SEMA3A: variants seen among roughly 807,000 people sequenced by gnomAD.
SEMA3A encodes semaphorin 3A, also known as semaphorin-3A.
SEMA3A carries 29 observed loss-of-function variants against 97.9 expected under a neutral mutation model. The ratio of observed to expected loss-of-function variants is 0.30; its 90% CI spans 0.22 to 0.40. The LOEUF is 0.40. Among genes scored for constraint, SEMA3A ranks in the 10% least tolerant of loss-of-function variants. The pLI, the probability that SEMA3A is intolerant of heterozygous loss-of-function variation, is 1.00. For missense variants in SEMA3A, 763 were observed against 951.3 expected (o/e 0.80, Z 2.60); for synonymous variants, 321 against 323.7 (o/e 0.99, Z 0.09).
chr7:84,181,319 A>AATATATATAT (rs56661080), intron 1 of SEMA3A, among the ~76,000 whole-genome samples: 4 of 144,746 alleles, frequency 2.8e-5, no homozygotes, highest in Admixed American at 1.4e-4. Flanking sequence ...TAATGTTACA[A>AATATATATAT]ATATATATAT....
chr7:84,408,294 G>T (rs529014978), intron 1 of SEMA3A, among the ~76,000 whole-genome samples: 59 of 152,272 alleles, frequency 3.9e-4, no homozygotes, highest in Middle Eastern at 3.4e-3. Flanking sequence ...ATGAAAAAAT[G>T]CTCACCATCA....
chr7:84,409,129 G>A (rs1804192364), intron 1 of SEMA3A, among the ~76,000 whole-genome samples: 1 of 150,162 alleles, frequency 6.7e-6, no homozygotes, highest in Non-Finnish European at 1.5e-5. Context: ...TTGTTTGACA[G>A]CACAATAGGA....
At chr7:84,454,374 T>A (rs1805636283) in intron 1 of SEMA3A, among the ~76,000 whole-genome samples, 1 of 152,176 alleles carries the variant, frequency 6.6e-6, no homozygotes, top group Non-Finnish European at 1.5e-5. Flanking sequence ...GTTACTAACA[T>A]TAAGGTAACA....
chr7:84,065,692 C>T (rs1195754832), intron 4 of SEMA3A, among the ~76,000 whole-genome samples: 6 of 152,250 alleles, frequency 3.9e-5, no homozygotes, highest in East Asian at 3.9e-4. Flanking sequence ...AATTCCTCGA[C>T]GTATACACTC....
chr7:84,407,895 G>A (rs1166170795), intron 1 of SEMA3A, among the ~76,000 whole-genome samples: 19 of 151,976 alleles, frequency 1.3e-4, no homozygotes, highest in Non-Finnish European at 5.9e-5. Flanking sequence ...AAATTAATTC[G>A]AGATGGATTA....
intron 15 of SEMA3A, among the ~76,000 whole-genome samples, chr7:83,974,615 T>C (rs1223715932): frequency 6.6e-6 from 1 of 152,166 alleles, no homozygotes; most frequent in African/African-American, 2.4e-5. Flanking sequence ...CTCCGGATTT[T>C]TGCCCATTTT....
At chr7:84,265,583 A>G (rs1799975401) in intron 3 of SEMA3A, among the ~76,000 whole-genome samples, 1 of 149,306 alleles carries the variant, frequency 6.7e-6, no homozygotes, top group Non-Finnish European at 1.5e-5. Flanking sequence ...AGACATATAT[A>G]TATTTGAGAG....
At chr7:84,008,414 C>T (rs1309915222) in intron 9 of SEMA3A, among the ~76,000 whole-genome samples, 3 of 147,534 alleles carry the variant, frequency 2.0e-5, no homozygotes, top group South Asian at 2.1e-4. Context: ...TGGTGTGAGC[C>T]GGCGAGGTAG....
chr7:84,392,004 T>C (rs747592930), intron 1 of SEMA3A, among the ~76,000 whole-genome samples: 5 of 150,886 alleles, frequency 3.3e-5, no homozygotes, highest in Non-Finnish European at 5.9e-5. Context: ...TATATATTTA[T>C]CGAGTATAAA....
chr7:84,312,315 C>T (rs1305286121), intron 2 of SEMA3A, among the ~76,000 whole-genome samples: 1 of 151,866 alleles, frequency 6.6e-6, no homozygotes, highest in African/African-American at 2.4e-5. Flanking sequence ...CCTTTTTCAG[C>T]AGACTCTACA....
chr7:84,347,489 G>A (rs1316629913), intron 2 of SEMA3A, among the ~76,000 whole-genome samples: 1 of 146,560 alleles, frequency 6.8e-6, no homozygotes, highest in Admixed American at 7.1e-5. Context: ...TCAGCTCATT[G>A]CAACCTCTGC....
At chr7:84,248,239 T>C (rs1371855232) in intron 3 of SEMA3A, among the ~76,000 whole-genome samples, 6 of 152,204 alleles carry the variant, frequency 3.9e-5, no homozygotes, top group Non-Finnish European at 8.8e-5. Flanking sequence ...TCTCTTCAAA[T>C]AACTTTTAGC....
chr7:84,050,209 T>C (rs987829552), intron 5 of SEMA3A, among the ~76,000 whole-genome samples: 20 of 152,180 alleles, frequency 1.3e-4, no homozygotes, highest in African/African-American at 3.9e-4. Flanking sequence ...GCATGATTTA[T>C]TGTCCTTTGG....
chr7:84,071,915 A>G (rs913874925), intron 4 of SEMA3A, among the ~76,000 whole-genome samples: 1 of 152,160 alleles, frequency 6.6e-6, no homozygotes, highest in African/African-American at 2.4e-5. Context: ...TACAGGGAGT[A>G]GCAAAGACAC....
chr7:83,984,289 G>T (rs1286223149), intron 13 of SEMA3A, among the ~76,000 whole-genome samples: 1 of 152,062 alleles, frequency 6.6e-6, no homozygotes, highest in Non-Finnish European at 1.5e-5. Context: ...ACAATTTTCA[G>T]ATTACGAGAA....
At chr7:84,304,236 A>G (rs1193514798) in intron 3 of SEMA3A, among the ~76,000 whole-genome samples, 1 of 152,140 alleles carries the variant, frequency 6.6e-6, no homozygotes, top group Non-Finnish European at 1.5e-5. Flanking sequence ...AAGTTTTGCT[A>G]GGATGTAGAG....
At chr7:84,375,240 G>A (rs1301246301) in intron 1 of SEMA3A, among the ~76,000 whole-genome samples, 3 of 152,006 alleles carry the variant, frequency 2.0e-5, no homozygotes, top group African/African-American at 2.4e-5. Context: ...GGCTGATCTC[G>A]AACTTCTGAC....
chr7:84,312,550 A>G (rs1448971906), intron 2 of SEMA3A, among the ~76,000 whole-genome samples: 2 of 151,518 alleles, frequency 1.3e-5, no homozygotes, highest in Non-Finnish European at 3.0e-5. Flanking sequence ...ACTTTCATAT[A>G]TATGTATTTT....
At chr7:84,488,047 TA>T (rs1273057493) in intron 1 of SEMA3A, among the ~76,000 whole-genome samples, 3 of 152,014 alleles carry the variant, frequency 2.0e-5, no homozygotes, top group African/African-American at 7.2e-5. Context: ...TATGGACTGT[TA>T]AAAATAAAAT....
Sources: gnomAD v4.1 joint callset for allele counts (sites outside exome capture counted in the v4.1 genomes callset) on GRCh38, gnomAD v4.1.1 for gene constraint, MANE v1.5 for transcripts, NCBI Gene and HGNC (gene_info 2026-07-23, HGNC 2026-07-21) for gene names.